The following CHCHD6 variants were observed in gnomAD, a reference collection of about 807,000 sequenced individuals.
CHCHD6 encodes MICOS complex subunit MIC25.
A neutral mutation model predicts 32.3 loss-of-function variants in CHCHD6; 28 were observed. The ratio of observed to expected loss-of-function variants is 0.87; its 90% confidence interval spans 0.64 to 1.19. The LOEUF is 1.19. Among genes scored for constraint, CHCHD6 ranks in the 50% most tolerant of loss-of-function variants. The probability of loss-of-function intolerance (pLI) is 0.00; values close to 1 mark genes in which losing one functional copy is unlikely to be tolerated. For missense variants in CHCHD6, 333 were observed against 307.0 expected (o/e 1.08, Z -0.63); for synonymous variants, 122 against 117.5 (o/e 1.04, Z -0.25).
chr3:126,742,658 G>C (rs1936330865), intron 4 of CHCHD6, among the ~76,000 whole-genome samples: 2 of 152,118 alleles, frequency 1.3e-5, no homozygotes, highest in Non-Finnish European at 2.9e-5. Context: ...GTAGGAAAAG[G>C]AAGGGAAACC....
At chr3:126,907,160 A>G (rs72980881) in intron 5 of CHCHD6, among the ~76,000 whole-genome samples, 4,741 of 152,312 alleles carry the variant, frequency 0.031, 164 homozygotes, top group East Asian at 0.16. Flanking sequence ...GGTCTCAGGA[A>G]TTACAAGTTG....
chr3:126,836,522 G>A (rs1424736937), intron 4 of CHCHD6, among the ~76,000 whole-genome samples: 1 of 152,134 alleles, frequency 6.6e-6, no homozygotes, highest in Non-Finnish European at 1.5e-5. Flanking sequence ...ATGTTCATCT[G>A]TCCATCCCTT....
At chr3:126,944,657 G>A (rs979348852) in intron 6 of CHCHD6, among the ~76,000 whole-genome samples, 6 of 152,174 alleles carry the variant, frequency 3.9e-5, no homozygotes, top group African/African-American at 1.2e-4. Context: ...CGGGGCTGGC[G>A]GCCTGTCCAC....
intron 5 of CHCHD6, among the ~76,000 whole-genome samples, chr3:126,905,419 A>AGTTC (rs1281989551): frequency 1.3e-5 from 2 of 152,212 alleles, no homozygotes; most frequent in African/African-American, 4.8e-5. Context: ...AGCAGAGGAA[A>AGTTC]GAACATCTAG....
chr3:126,932,264 A>G (rs574040941), intron 6 of CHCHD6, among the ~76,000 whole-genome samples: 3 of 152,264 alleles, frequency 2.0e-5, no homozygotes, highest in East Asian at 3.9e-4. Context: ...GTGGTGGCCC[A>G]TAGACCACTT....
intron 5 of CHCHD6, among the ~76,000 whole-genome samples, chr3:126,906,294 CTCCAGGCT>C (rs1391824601): frequency 2.6e-5 from 4 of 152,144 alleles, no homozygotes; most frequent in Admixed American, 2.0e-4. Context: ...GCCTCCAGGC[CTCCAGGCT>C]GATGGCCACT....
intron 5 of CHCHD6, among the ~76,000 whole-genome samples, chr3:126,857,489 G>A (rs776546624): frequency 1.3e-5 from 2 of 152,026 alleles, no homozygotes; most frequent in African/African-American, 4.8e-5. Flanking sequence ...GCTGCCGATC[G>A]AACTTTCTTA....
At chr3:126,708,948 C>G (rs963627341) in intron 1 of CHCHD6, among the ~76,000 whole-genome samples, 13 of 152,114 alleles carry the variant, frequency 8.5e-5, no homozygotes, top group African/African-American at 3.1e-4. Context: ...GTCGTTGGTT[C>G]CAGGACCCCC....
Position 126,957,474 on chromosome 3 carries a change from C to G in CHCHD6, c.625C>G (p.Arg209Gly), listed in dbSNP as rs757076051. 5 of 1,609,080 alleles carry G rather than the reference C, an allele frequency of 3.1e-6. No individual in the cohort carries two copies. The South Asian group carries it at 4.5e-5, about 14-fold the overall frequency. The stretch of plus-strand genomic sequence containing the variant: ...GCAGGCCCAGATTCTCCACTGCTAC[C>G]GAGATCGCCCGCATGAGGTGCTGCT... ...GLQAQILHCY[R>G]DRPHEVLLCS... is the part of the protein sequence containing the mutation. The change falls in exon 7 of 8, where the codon CGA becomes GGA. Residue 209 changes from arginine to glycine, a missense_variant. Arg to Gly is a moderately radical substitution (Grantham distance 125). Transcript: ENST00000290913.
rs141550708 is a variant in CHCHD6, at chr3:126,780,493, G to A, written c.411+47271G>A. On this transcript the variant is annotated intron_variant, in intron 4 of 7. Transcript: ENST00000290913. ...AGGTAGCTGATGCATATACAAAATA[G>A]TATTTTCTGTACTTTCTTTTCCCTG... is the stretch of plus-strand genomic sequence containing the variant. 1.2e-3 allele frequency: 279 copies of A among 223,384 alleles called. 1 individual carries two copies. The highest frequency in any genetic ancestry group is 6.1e-3 in the African/African-American group (263 of 42,994). 13.8% of individuals were successfully genotyped at this position (223,384 alleles called of 1,614,324 possible).
intron 4 of CHCHD6, among the ~76,000 whole-genome samples, chr3:126,758,472 G>A (rs1446637639): frequency 1.3e-5 from 2 of 152,246 alleles, no homozygotes; most frequent in Non-Finnish European, 2.9e-5. Flanking sequence ...ACACGGTAGA[G>A]GATGATTGCT....
At chr3:126,919,310 C>CTTTTTTTTTTTTTTTTTTTTTTTTTTT (rs869129860) in intron 6 of CHCHD6, among the ~76,000 whole-genome samples, 1 of 29,234 alleles carries the variant, frequency 3.4e-5, no homozygotes, top group Admixed American at 3.5e-4. Flanking sequence ...TATTTCTTTT[C>CTTTTTTTTTTTTTTTTTTTTTTTTTTT]TTTTTTCTTT....
At chr3:126,881,919 A>G (rs1038100708) in intron 5 of CHCHD6, among the ~76,000 whole-genome samples, 4 of 152,196 alleles carry the variant, frequency 2.6e-5, no homozygotes, top group African/African-American at 9.6e-5. Context: ...TGTAAAAAGC[A>G]TGCAGTTTAC....
intron 5 of CHCHD6, among the ~76,000 whole-genome samples, chr3:126,914,477 C>T (rs1208860780): frequency 9.2e-5 from 14 of 152,208 alleles, no homozygotes; most frequent in Admixed American, 7.9e-4. Context: ...TCTCATAACG[C>T]ACTTGCAGCC....
At chr3:126,834,525 G>T (rs1940775752) in intron 4 of CHCHD6, among the ~76,000 whole-genome samples, 2 of 152,090 alleles carry the variant, frequency 1.3e-5, no homozygotes. Flanking sequence ...AGAAGCAGGG[G>T]AGCTCCTAGG....
intron 4 of CHCHD6, among the ~76,000 whole-genome samples, chr3:126,819,686 T>G (rs1940068145): frequency 1.3e-5 from 2 of 152,220 alleles, no homozygotes; most frequent in African/African-American, 4.8e-5. Flanking sequence ...AGAAGACTCT[T>G]GGCAAATAGG....
At chr3:126,766,618 C>G in intron 4 of CHCHD6, 2 of 1,084,778 alleles carry the variant, frequency 1.8e-6, no homozygotes, top group South Asian at 2.5e-5. Context: ...TAGCCCAGTT[C>G]CCCGAAGGTC....
At chr3:126,911,067 T>TA (rs924345107) in intron 5 of CHCHD6, among the ~76,000 whole-genome samples, 2 of 152,024 alleles carry the variant, frequency 1.3e-5, no homozygotes, top group African/African-American at 4.8e-5. Flanking sequence ...TTAGTGTAAA[T>TA]AAAAAAAACT....
At chr3:126,797,854 G>T (rs1397806760) in intron 4 of CHCHD6, among the ~76,000 whole-genome samples, 2 of 152,140 alleles carry the variant, frequency 1.3e-5, no homozygotes, top group Non-Finnish European at 2.9e-5. Flanking sequence ...CTCCCCCATG[G>T]TGTGGTGTGT....
Sources: allele counts gnomAD v4.1 joint callset (sites outside exome capture counted in the v4.1 genomes callset), GRCh38; gene constraint gnomAD v4.1.1; transcripts MANE v1.5; gene names NCBI Gene and HGNC (gene_info 2026-07-23, HGNC 2026-07-21).